RACK1: variants seen among roughly 807,000 people sequenced by gnomAD.
RACK1 encodes small ribosomal subunit protein RACK1.
A neutral mutation model predicts 42.2 loss-of-function variants in RACK1; 3 were observed. That is an observed-to-expected ratio of 0.07 (90% confidence interval 0.03 to 0.18). RACK1 has a LOEUF of 0.18. RACK1 is among the 10% of genes least tolerant of loss of function. The pLI is 1.00. For missense variants in RACK1, 146 were observed against 403.2 expected (o/e 0.36, Z 5.46); for synonymous variants, 181 against 154.8 (o/e 1.17, Z -1.25).
intron 1 of RACK1, chr5:181,242,553 C>T: frequency 3.0e-6 from 2 of 668,960 alleles, no homozygotes; most frequent in South Asian, 3.0e-5. Flanking sequence ...GTAAACTGTA[C>T]CCTGATAACT....
At chr5:181,239,338 G>C (rs1039346833) in intron 4 of RACK1, 149 bp downstream of exon 4, 1 of 766,582 alleles carries the variant, frequency 1.3e-6, no homozygotes, top group Non-Finnish European at 2.4e-6. Flanking sequence ...ATCCAATGCA[G>C]TGTGCTGACT....
In RACK1 at chr5:181,236,944, T is replaced by C; in HGVS notation, c.*33A>G. On this transcript the variant is annotated 3_prime_UTR_variant, in exon 8 of 8. Coordinates refer to ENST00000512805, the MANE Select transcript of RACK1 (RefSeq NM_006098.5). Reference sequence around the variant, plus strand: ...AACCTAAAAGTCAGAAAAGCCAGTTTTTTTTTTATTTGTAAAGCTCTGCCA... The same window carrying C: ...AACCTAAAAGTCAGAAAAGCCAGTTCTTTTTTTATTTGTAAAGCTCTGCCA... 4 of 1,563,700 alleles carry C rather than the reference T, an allele frequency of 2.6e-6. No individual in the cohort carries two copies. The highest frequency in any genetic ancestry group is 3.4e-6 in the Non-Finnish European group (4 of 1,161,794).
At chr5:181,239,327 T>A (rs1759256839) in intron 4 of RACK1, 150 bp from the exon 5 acceptor site, 1 of 759,976 alleles carries the variant, frequency 1.3e-6, no homozygotes, top group Non-Finnish European at 2.4e-6. Flanking sequence ...TTATAACACA[T>A]ATCCAATGCA....
intron 7 of RACK1, 153 bp from the exon 8 acceptor site, chr5:181,237,195 A>T: frequency 7.1e-7 from 1 of 1,415,812 alleles, no homozygotes. Context: ...CTACAGCCTT[A>T]AGCCCCTGCA....
At chr5:181,242,418 AGT>A (rs1466885171) in intron 1 of RACK1, 73 bp from the exon 2 acceptor site, 1 of 1,024,804 alleles carries the variant, frequency 9.8e-7, no homozygotes, top group Non-Finnish European at 1.5e-6. Flanking sequence ...TAATTCACTA[AGT>A]GTCAAGGTCA....
rs758004528 is a variant in RACK1, at chr5:181,242,121, A to C, written c.281+53T>G. ...GAAACCAGCCAATTGCATCCACCTCACTTCTGCCCAGATTCTTCCCAAGGC... is the reference window on the plus strand; with the variant it reads ...GAAACCAGCCAATTGCATCCACCTCCCTTCTGCCCAGATTCTTCCCAAGGC... On this transcript the variant is annotated intron_variant, in intron 2 of 7. Transcript: ENST00000512805. The C allele has an allele frequency of 2.7e-6, 4 of 1,507,474 alleles. No homozygotes were observed. In the East Asian group the frequency reaches 9.0e-5, roughly 34 times the overall value. 93.4% of individuals were successfully genotyped at this position (1,507,474 alleles called of 1,614,324 possible).
At chr5:181,241,062 T>C (rs1759325083) in intron 3 of RACK1, 1 of 154,544 alleles carries the variant, frequency 6.5e-6, no homozygotes, top group Non-Finnish European at 1.4e-5. Flanking sequence ...AGGCGGAGGT[T>C]GTGGTCAGCC....
chr5:181,243,607 C>CA, intron 1 of RACK1, 85 bp downstream of exon 1: 1 of 1,504,320 alleles, frequency 6.6e-7, no homozygotes, highest in Non-Finnish European at 9.0e-7. Flanking sequence ...ACCGGCCTGC[C>CA]ACACCACACG....
chr5:181,237,047 AG>A lies in RACK1; in HGVS notation c.889-6del, dbSNP rs1561678424. 6.2e-7 allele frequency: 1 copy of A among 1,613,758 alleles called. No individual in the cohort carries two copies. ...CGTGTAGCCAGCAAACAGAGTCTGC[AG>A]GGAAGAAATGACAGTGACAGGTCAG... On this transcript the variant is annotated splice_region_variant and splice_polypyrimidine_tract_variant and intron_variant, in intron 7 of 7. Coordinates refer to ENST00000512805, the MANE Select transcript of RACK1 (RefSeq NM_006098.5).
chr5:181,242,653 G>T, intron 1 of RACK1: 1 of 413,096 alleles, frequency 2.4e-6, no homozygotes, highest in Non-Finnish European at 4.8e-6. Context: ...CACCTCCCGT[G>T]TTCAAGCAAT....
Position 181,243,804 on chromosome 5 carries a change from G to T in RACK1, c.-4C>A, listed in dbSNP as rs769447572. The T allele has an allele frequency of 2.5e-6, 4 of 1,598,870 alleles. No individual in the cohort carries two copies. The Admixed American group carries it at 5.2e-5, about 21-fold the overall frequency. On this transcript the variant is annotated 5_prime_UTR_variant, in exon 1 of 8. Coordinates refer to ENST00000512805, the MANE Select transcript of RACK1 (RefSeq NM_006098.5). ...GAAGGGTCATCTGCTCAGTCATGGC[G>T]GCGGCGAGAGCGTGTGTCGCTGCAG... is the stretch of plus-strand genomic sequence containing the variant.
intron 7 of RACK1, chr5:181,237,328 A>C: frequency 1.4e-6 from 1 of 713,740 alleles, no homozygotes; most frequent in South Asian, 1.5e-5. Context: ...TCCTTGAGGA[A>C]GAAACAGCTG....
chr5:181,242,197 G>A lies in RACK1; in HGVS notation c.258C>T (p.Thr86=). Residue 86 remains threonine, a synonymous_variant, in exon 2 of 8, where the codon ACC becomes ACT. Coordinates refer to ENST00000512805, the MANE Select transcript of RACK1 (RefSeq NM_006098.5). ...QFALSGSWDG[T]LRLWDLTTGT... The stretch of plus-strand genomic sequence containing the variant: ...GCGTTGTGAGATCCCAGAGGCGCAG[G>A]GTTCCATCCCAGGAGCCTGAGAGGG... 1 of 1,613,454 alleles carries A rather than the reference G, an allele frequency of 6.2e-7. No individual in the cohort carries two copies. Among genetic ancestry groups the A allele is most frequent in the Non-Finnish European group, 8.5e-7 (1 of 1,179,824 alleles).
intron 1 of RACK1, 193 bp downstream of exon 1, chr5:181,243,499 C>A: frequency 1.4e-6 from 2 of 1,433,974 alleles, no homozygotes; most frequent in Non-Finnish European, 9.3e-7. Context: ...TTCTCATCTG[C>A]AATGTGGTTC....
chr5:181,236,989 A>C lies in RACK1; in HGVS notation c.942T>G (p.Ile314Met), dbSNP rs1759160812. The change falls in exon 8 of 8, where the codon ATT (isoleucine) becomes ATG (methionine). Residue 314 changes from isoleucine (I) to methionine (M), a missense_variant. Coordinates refer to ENST00000512805, the MANE Select transcript of RACK1 (RefSeq NM_006098.5). ...CTGCCATAAACTTCTAGCGTGTGCC[A>C]ATGGTCACCTGCCACACTCGCACCA... The part of the protein sequence containing the change: ...DNLVRVWQVT[I>M]GTR 1.2e-6 allele frequency: 2 copies of C among 1,613,682 alleles called. No individual in the cohort carries two copies. The highest frequency in any genetic ancestry group is 2.2e-5 in the South Asian group (2 of 91,022).
At chr5:181,238,065 G>C (rs2770997) in intron 6 of RACK1, 34 bp downstream of exon 6, 99,043 of 1,610,998 alleles carry the variant, frequency 0.061, 6,984 homozygotes, top group African/African-American at 0.29. Context: ...TCAGAGTGCA[G>C]CCAGGTACCC....
intron 3 of RACK1, chr5:181,240,348 G>C (rs1176389319): frequency 6.5e-6 from 1 of 154,106 alleles, no homozygotes; most frequent in Non-Finnish European, 1.5e-5. Flanking sequence ...GAATGAGACT[G>C]TCTCAAAACA....
chr5:181,237,293 C>A, intron 7 of RACK1: 1 of 748,304 alleles, frequency 1.3e-6, no homozygotes, highest in Non-Finnish European at 2.3e-6. Context: ...TTTCAACAGC[C>A]AGCTTGTAAG....
At chr5:181,241,255 C>G in intron 3 of RACK1, 1 of 435,556 alleles carries the variant, frequency 2.3e-6, no homozygotes. Flanking sequence ...ATGGTGAAAC[C>G]CTGTCTCTAC....
Sources: gnomAD v4.1 joint callset for allele counts on GRCh38, gnomAD v4.1.1 for gene constraint, MANE v1.5 for transcripts, NCBI Gene and HGNC (gene_info 2026-07-23, HGNC 2026-07-21) for gene names.